The following AGBL3 variants were observed in gnomAD, a reference collection of about 807,000 sequenced individuals.
AGBL3 encodes the protein AGBL carboxypeptidase 3.
AGBL3 carries 68 observed loss-of-function variants against 94.5 expected under a neutral mutation model. That is an observed-to-expected ratio of 0.72 (90% CI 0.59 to 0.88). AGBL3 has a LOEUF of 0.88. AGBL3 is among the 40% of genes least tolerant of loss of function. The pLI is 0.00. For synonymous variants in AGBL3, 354 were observed against 370.7 expected (o/e 0.95, Z 0.52); for missense variants, 934 against 1,103.8 (o/e 0.85, Z 2.18).
At chr7:135,017,524 T>G (rs1251348769) in intron 5 of AGBL3, among the ~76,000 whole-genome samples, 1 of 152,248 alleles carries the variant, frequency 6.6e-6, no homozygotes, top group Non-Finnish European at 1.5e-5. Context: ...GATGTTTTTC[T>G]TTTAATTTCC....
intron 4 of AGBL3, among the ~76,000 whole-genome samples, chr7:135,008,792 A>C (rs967609950): frequency 1.3e-5 from 2 of 152,208 alleles, no homozygotes; most frequent in Admixed American, 1.3e-4. Context: ...ACAACTCAAT[A>C]TTAAAAAGAC....
intron 5 of AGBL3, among the ~76,000 whole-genome samples, chr7:135,025,149 C>G (rs1295881868): frequency 6.6e-6 from 1 of 151,356 alleles, no homozygotes; most frequent in Non-Finnish European, 1.5e-5. Flanking sequence ...ACAAGATGAC[C>G]ATCCTCATGG....
intron 4 of AGBL3, among the ~76,000 whole-genome samples, chr7:134,997,066 T>A (rs953633259): frequency 1.3e-5 from 2 of 152,142 alleles, no homozygotes; most frequent in Non-Finnish European, 2.9e-5. Context: ...GGGAAGATAA[T>A]TTTTCTGTAG....
intron 15 of AGBL3, among the ~76,000 whole-genome samples, chr7:135,096,756 AAAG>A (rs1430163005): frequency 6.8e-6 from 1 of 147,352 alleles, no homozygotes; most frequent in East Asian, 2.0e-4. Flanking sequence ...AGAAAGAAAG[AAAG>A]AAAGAAAGAA....
intron 13 of AGBL3, among the ~76,000 whole-genome samples, chr7:135,079,461 G>A (rs1173357664): frequency 6.6e-6 from 1 of 151,728 alleles, no homozygotes. Flanking sequence ...ATTGTGGGTT[G>A]TTTTTGTTTT....
rs543511564 is a variant in AGBL3, at chr7:135,085,048, G to A, written c.2110+3258G>A. ...TGATAATAGCTATTCTAACAGATAT[G>A]AGACCATATCTCCTTGTGGTTTTAA... On this transcript the variant is annotated intron_variant, in intron 15 of 16. Transcript: ENST00000436302. Among the ~76,000 whole-genome samples, 3 of 152,148 alleles carry A rather than the reference G, an allele frequency of 2.0e-5. No homozygotes were observed. In the East Asian group the frequency reaches 5.8e-4, roughly 29 times the overall value.
At chr7:135,103,392 T>C (rs553249802) in intron 15 of AGBL3, among the ~76,000 whole-genome samples, 34 of 152,328 alleles carry the variant, frequency 2.2e-4, no homozygotes, top group Non-Finnish European at 4.1e-4. Context: ...CTCACAACTA[T>C]CAATAATCTG....
At chr7:135,016,011 A>G (rs1422057609) in intron 4 of AGBL3, among the ~76,000 whole-genome samples, 2 of 151,442 alleles carry the variant, frequency 1.3e-5, no homozygotes, top group Non-Finnish European at 2.9e-5. Flanking sequence ...AGCCTGGGCG[A>G]CAGAGCGACA....
intron 5 of AGBL3, among the ~76,000 whole-genome samples, chr7:135,026,737 A>T (rs576172639): frequency 6.6e-6 from 1 of 151,748 alleles, no homozygotes; most frequent in Non-Finnish European, 1.5e-5. Context: ...TTATATTTTA[A>T]TTCTATCTCT....
intron 12 of AGBL3, among the ~76,000 whole-genome samples, chr7:135,073,546 C>G (rs11975891): frequency 0.49 from 73,315 of 151,118 alleles, 18,243 homozygotes; most frequent in South Asian, 0.66. Context: ...GTAGGAAGAG[C>G]CGCAGACAAA....
At chr7:135,018,021 T>G (rs1012151291) in intron 5 of AGBL3, among the ~76,000 whole-genome samples, 3 of 152,202 alleles carry the variant, frequency 2.0e-5, no homozygotes, top group African/African-American at 7.2e-5. Flanking sequence ...CAGGGTCTTC[T>G]CAGGAATTAG....
chr7:135,132,339 G>A (rs1356833646), intron 16 of AGBL3, among the ~76,000 whole-genome samples: 1 of 152,120 alleles, frequency 6.6e-6, no homozygotes, highest in Non-Finnish European at 1.5e-5. Context: ...GTCTATTTCA[G>A]GAATTCAAGG....
At chr7:135,034,042 A>C (rs1816044850) in intron 6 of AGBL3, 107 bp from the exon 7 acceptor site, 2 of 1,071,516 alleles carry the variant, frequency 1.9e-6, no homozygotes, top group Non-Finnish European at 2.6e-6. Context: ...GAATGAGTAA[A>C]AATAAAATAA....
chr7:135,055,665 A>G (rs775457849), intron 11 of AGBL3, among the ~76,000 whole-genome samples: 5 of 152,104 alleles, frequency 3.3e-5, no homozygotes, highest in Non-Finnish European at 5.9e-5. Context: ...TCAATTTGCT[A>G]ATATTTTCTT....
intron 15 of AGBL3, among the ~76,000 whole-genome samples, chr7:135,084,101 A>T (rs1821141334): frequency 6.6e-6 from 1 of 151,918 alleles, no homozygotes; most frequent in Non-Finnish European, 1.5e-5. Context: ...TTTTTCCTTT[A>T]TTATTTTTAA....
intron 12 of AGBL3, among the ~76,000 whole-genome samples, chr7:135,068,423 C>T (rs1819565198): frequency 6.6e-6 from 1 of 152,050 alleles, no homozygotes; most frequent in African/African-American, 2.4e-5. Context: ...ATCTCCAAGA[C>T]ACATAATTGT....
In AGBL3 at chr7:135,135,252, G is replaced by A. The variant is rs1160691541; in HGVS notation, c.2754G>A (p.Arg918=). ...CCACCTTATATCTGAAGTTCCAAAG[G>A]GAGAGTTAATCTAGCTTTATACTGC... ...GQPTLYLKFQ[R]ES is the part of the protein sequence containing the mutation. The change falls in exon 17 of 17, where the codon AGG becomes AGA. Residue 918 remains arginine (R), a synonymous_variant. Coordinates refer to ENST00000436302, the MANE Select transcript of AGBL3 (RefSeq NM_178563.4). 6.6e-7 allele frequency: 1 copy of A among 1,517,840 alleles called. No homozygotes were observed. The highest frequency in any genetic ancestry group is 8.8e-7 in the Non-Finnish European group (1 of 1,132,390). The allele number at this position is 1,517,840 out of a possible 1,614,324, so 94.0% of individuals were successfully genotyped here. A position where few individuals can be genotyped will look rare whatever the true frequency, so the allele number is the denominator to read the frequency against.
chr7:135,090,162 C>T (rs188295483), intron 15 of AGBL3, among the ~76,000 whole-genome samples: 9 of 152,218 alleles, frequency 5.9e-5, no homozygotes, highest in African/African-American at 2.2e-4. Context: ...GGATGAAGCA[C>T]TGTGTAGTAG....
intron 16 of AGBL3, among the ~76,000 whole-genome samples, chr7:135,131,033 T>TAACA (rs1828685190): frequency 6.6e-6 from 1 of 152,168 alleles, no homozygotes; most frequent in Non-Finnish European, 1.5e-5. Flanking sequence ...GTTTTAGGTG[T>TAACA]GTGTGTCCAG....
Sources: allele counts gnomAD v4.1 joint callset (sites outside exome capture counted in the v4.1 genomes callset), GRCh38; gene constraint gnomAD v4.1.1; transcripts MANE v1.5; gene names NCBI Gene and HGNC (gene_info 2026-07-23, HGNC 2026-07-21).